Variants in NAALADL2 observed in about 807,000 individuals in gnomAD.
NAALADL2 encodes inactive N-acetylated-alpha-linked acidic dipeptidase-like protein 2.
NAALADL2 carries 76 observed loss-of-function variants against 87.2 expected under a neutral mutation model. That is an observed-to-expected ratio of 0.87 (90% confidence interval 0.72 to 1.05). The LOEUF is 1.05. Among genes scored for constraint, NAALADL2 ranks in the 50% least tolerant of loss-of-function variants. NAALADL2 has a pLI of 0.00. For synonymous variants in NAALADL2, 354 were observed against 331.0 expected (o/e 1.07, Z -0.75); for missense variants, 1,089 against 945.8 (o/e 1.15, Z -1.99).
intron 3 of NAALADL2, among the ~76,000 whole-genome samples, chr3:174,797,143 A>G (rs1718192151): frequency 6.6e-6 from 1 of 151,922 alleles, no homozygotes; most frequent in African/African-American, 2.4e-5. Context: ...ATATGGTGAG[A>G]TATAAGGGTT....
At chr3:174,991,002 CA>C (rs1439859780) in intron 1 of NAALADL2, among the ~76,000 whole-genome samples, 1 of 152,120 alleles carries the variant, frequency 6.6e-6, no homozygotes, top group East Asian at 1.9e-4. Context: ...AAAATATAAG[CA>C]TTTATGTATG....
At chr3:174,684,677 T>C (rs1268104947) in intron 2 of NAALADL2, among the ~76,000 whole-genome samples, 1 of 152,128 alleles carries the variant, frequency 6.6e-6, no homozygotes, top group African/African-American at 2.4e-5. Flanking sequence ...AGCTATCCTT[T>C]ATGATTGTGT....
chr3:174,814,524 C>T (rs1172899775), intron 3 of NAALADL2, among the ~76,000 whole-genome samples: 2 of 151,670 alleles, frequency 1.3e-5, no homozygotes, highest in African/African-American at 4.8e-5. Context: ...TAATAATATC[C>T]AATTTAAGTA....
intron 13 of NAALADL2, among the ~76,000 whole-genome samples, chr3:175,777,212 T>C (rs1750364381): frequency 6.6e-6 from 1 of 151,946 alleles, no homozygotes; most frequent in South Asian, 2.1e-4. Flanking sequence ...ATTTAGCTCC[T>C]GTTGGAATAT....
chr3:174,889,753 C>G (rs1282464743), intron 1 of NAALADL2, among the ~76,000 whole-genome samples: 1 of 151,988 alleles, frequency 6.6e-6, no homozygotes, highest in African/African-American at 2.4e-5. Flanking sequence ...AATTCTTTTT[C>G]TGATCTTATG....
intron 3 of NAALADL2, among the ~76,000 whole-genome samples, chr3:174,837,304 G>A (rs992648583): frequency 6.6e-6 from 1 of 152,188 alleles, no homozygotes; most frequent in African/African-American, 2.4e-5. Flanking sequence ...GAAATGAAAC[G>A]GTAGAGATTA....
chr3:175,182,550 G>GTTTTTGTTTTTTTT (rs1736725295), intron 2 of NAALADL2, among the ~76,000 whole-genome samples: 1 of 69,440 alleles, frequency 1.4e-5, no homozygotes, highest in African/African-American at 6.0e-5. Context: ...ACCACAGCCA[G>GTTTTTGTTTTTTTT]TTTTTTTTTT....
At chr3:174,805,391 CT>C (rs572614266) in intron 3 of NAALADL2, among the ~76,000 whole-genome samples, 3 of 151,672 alleles carry the variant, frequency 2.0e-5, no homozygotes, top group African/African-American at 4.8e-5. Flanking sequence ...GTTTTTTGTT[CT>C]TTTTTTTGTT....
At chr3:174,760,359 C>T (rs1358613939) in intron 3 of NAALADL2, among the ~76,000 whole-genome samples, 1 of 152,142 alleles carries the variant, frequency 6.6e-6, no homozygotes, top group Admixed American at 6.5e-5. Context: ...AATTTCTTAA[C>T]CTAGTGGTAA....
At chr3:174,945,878 C>A (rs143252289) in intron 1 of NAALADL2, among the ~76,000 whole-genome samples, 1 of 151,678 alleles carries the variant, frequency 6.6e-6, no homozygotes, top group African/African-American at 2.4e-5. Context: ...AAACCAGTCT[C>A]TACTAAAAAT....
At chr3:174,869,466 CT>C (rs1727535702) in intron 1 of NAALADL2, among the ~76,000 whole-genome samples, 1 of 152,096 alleles carries the variant, frequency 6.6e-6, no homozygotes, top group Admixed American at 6.5e-5. Context: ...CCTAGAGTAA[CT>C]TTAAAGAGCA....
At chr3:174,847,802 T>C (rs1028438414) in intron 3 of NAALADL2, among the ~76,000 whole-genome samples, 2 of 119,866 alleles carry the variant, frequency 1.7e-5, no homozygotes, top group Non-Finnish European at 3.6e-5. Context: ...GAGTATGTAT[T>C]TGAAAAAAAA....
chr3:174,874,105 A>G (rs1478970197), intron 1 of NAALADL2, among the ~76,000 whole-genome samples: 1 of 152,120 alleles, frequency 6.6e-6, no homozygotes, highest in Non-Finnish European at 1.5e-5. Flanking sequence ...TTATAAGGCT[A>G]TCAAAATTTT....
intron 11 of NAALADL2, among the ~76,000 whole-genome samples, chr3:175,660,536 T>G (rs1732110480): frequency 6.6e-6 from 1 of 152,168 alleles, no homozygotes. Context: ...CCCTTCTAGC[T>G]ATTTTGAAAT....
intron 3 of NAALADL2, among the ~76,000 whole-genome samples, chr3:174,798,387 G>C (rs1249213397): frequency 6.6e-6 from 1 of 152,120 alleles, no homozygotes; most frequent in Non-Finnish European, 1.5e-5. Context: ...GTTCTCTCTT[G>C]TTAAGATTAT....
chr3:174,655,181 CAA>C (rs1295639618), intron 2 of NAALADL2, among the ~76,000 whole-genome samples: 4 of 152,150 alleles, frequency 2.6e-5, no homozygotes, highest in East Asian at 3.8e-4. Context: ...TAGTAACTAA[CAA>C]AGAGTAAATT....
chr3:174,774,090 C>G (rs1283775893), intron 3 of NAALADL2, among the ~76,000 whole-genome samples: 2 of 152,140 alleles, frequency 1.3e-5, no homozygotes, highest in Non-Finnish European at 2.9e-5. Context: ...CACTATCCCA[C>G]TTTCCTTGCT....
chr3:174,581,253 C>T (rs901860913), intron 2 of NAALADL2, among the ~76,000 whole-genome samples: 1 of 151,974 alleles, frequency 6.6e-6, no homozygotes, highest in African/African-American at 2.4e-5. Context: ...TGTTTACAGT[C>T]CAGTGGGGAG....
chr3:174,508,114 G>GTTTTTTTTTTTTGT (rs1719329572), intron 1 of NAALADL2, among the ~76,000 whole-genome samples: 5 of 103,896 alleles, frequency 4.8e-5, no homozygotes, highest in South Asian at 3.8e-4. Context: ...ATATCTAGTG[G>GTTTTTTTTTTTTGT]TTTTTTTTTT....
Sources: gnomAD v4.1 joint callset for allele counts (sites outside exome capture counted in the v4.1 genomes callset) on GRCh38, gnomAD v4.1.1 for gene constraint, MANE v1.5 for transcripts, NCBI Gene and HGNC (gene_info 2026-07-23, HGNC 2026-07-21) for gene names.